The following PIEZO2 variants were observed in gnomAD, a reference collection of about 807,000 sequenced individuals.
PIEZO2 encodes piezo type mechanosensitive ion channel component 2, also known as piezo-type mechanosensitive ion channel component 2.
Under a neutral mutation model 337.3 loss-of-function variants are expected in PIEZO2, and 172 were observed. The ratio of observed to expected loss-of-function variants is 0.51; its 90% CI spans 0.45 to 0.58. The LOEUF (loss-of-function observed/expected upper bound fraction) is 0.58, where lower values mean the gene tolerates loss of function less well. Ranked by LOEUF, PIEZO2 falls within the 20% of genes least tolerant of loss-of-function variation. PIEZO2 has a pLI of 0.00. For synonymous variants in PIEZO2, 1,251 were observed against 1,228.5 expected, an observed-to-expected ratio of 1.02 and a Z score of -0.38; for missense variants, 3,028 against 3,391.3, an observed-to-expected ratio of 0.89 and a Z score of 2.66.
rs959402381 is a variant in PIEZO2, at chr18:10,861,754, A to G, written c.493-4543T>C. On this transcript the variant is annotated intron_variant, in intron 5 of 55. Coordinates refer to ENST00000674853, the MANE Select transcript of PIEZO2 (RefSeq NM_001378183.1). The surrounding 1 kb of genome is among the most constrained non-coding windows in gnomAD (Gnocchi z 4.3). The stretch of plus-strand genomic sequence containing the variant: ...AATAGTTGGCCGGGCACAGTGGTTC[A>G]TGCCTATAATCCCAGCACCTTGGGA... Among the ~76,000 whole-genome samples the G allele has an allele frequency of 2.0e-5, 3 of 152,374 alleles. No homozygotes were observed. The highest frequency in any genetic ancestry group is 7.2e-5 in the African/African-American group (3 of 41,586).
At position 11,001,952 on chromosome 18, in the gene PIEZO2, A is replaced by T. The variant is rs989271256; in HGVS notation, c.161-22292T>A. On this transcript the variant is annotated intron_variant, in intron 2 of 55. Coordinates refer to ENST00000674853, the MANE Select transcript of PIEZO2 (RefSeq NM_001378183.1). This position sits in a 1 kb window ranked among gnomAD's most constrained non-coding sequence, Gnocchi z 5.3. ...AAGGAAGGAAGGAAGGAAGGAAGAAAAAAAGACTTGGAAGGAGCCAAAACT... is the reference window on the plus strand; with the variant it reads ...AAGGAAGGAAGGAAGGAAGGAAGAATAAAAGACTTGGAAGGAGCCAAAACT... Among the ~76,000 whole-genome samples the T allele has an allele frequency of 6.6e-6, 1 of 151,794 alleles. No homozygotes were observed. Among genetic ancestry groups the T allele is most frequent in the Non-Finnish European group, 1.5e-5 (1 of 67,908 alleles).
intron 2 of PIEZO2, among the ~76,000 whole-genome samples, chr18:10,999,525 G>GT (rs1259477536): frequency 6.6e-6 from 1 of 152,074 alleles, no homozygotes; most frequent in East Asian, 1.9e-4. Flanking sequence ...TATTTATATA[G>GT]TTTTTTGTAA....
At chr18:10,928,636 C>G (rs1306774704) in intron 3 of PIEZO2, among the ~76,000 whole-genome samples, 1 of 152,198 alleles carries the variant, frequency 6.6e-6, no homozygotes, top group African/African-American at 2.4e-5. Flanking sequence ...AGATCCCAGG[C>G]CTTCATGCCA....
intron 24 of PIEZO2, among the ~76,000 whole-genome samples, chr18:10,760,594 C>T (rs1274080610): frequency 6.6e-6 from 1 of 152,148 alleles, no homozygotes; most frequent in Non-Finnish European, 1.5e-5. Flanking sequence ...CGTGAGCCAC[C>T]GTGCCCAGGC....
chr18:10,776,295 G>A (rs2038783212), intron 18 of PIEZO2, among the ~76,000 whole-genome samples: 1 of 152,136 alleles, frequency 6.6e-6, no homozygotes, highest in Non-Finnish European at 1.5e-5. Flanking sequence ...ATAGGAGGTT[G>A]TAAAAATTAA....
intron 30 of PIEZO2, among the ~76,000 whole-genome samples, chr18:10,744,495 T>C (rs137885306): frequency 1.3e-5 from 2 of 152,258 alleles, no homozygotes; most frequent in African/African-American, 4.8e-5. Flanking sequence ...GTGTTTTGTA[T>C]TCTCCAAGAC....
chr18:10,678,770 T>C (rs2143467873), intron 52 of PIEZO2, among the ~76,000 whole-genome samples: 1 of 152,238 alleles, frequency 6.6e-6, no homozygotes, highest in South Asian at 2.1e-4. Context: ...GGCCACGTGC[T>C]GGCCACTGGC....
chr18:10,987,495 T>C (rs977008088), intron 2 of PIEZO2, among the ~76,000 whole-genome samples: 1 of 152,086 alleles, frequency 6.6e-6, no homozygotes, highest in Non-Finnish European at 1.5e-5. Flanking sequence ...ATTGGGAAAA[T>C]TGGATTACCA....
In PIEZO2 at chr18:10,979,702, T is replaced by A. The variant is rs986481256; in HGVS notation, c.161-42A>T. On this transcript the variant is annotated intron_variant, in intron 2 of 55. Transcript: ENST00000674853. The surrounding 1 kb of genome is among the most constrained non-coding windows in gnomAD (Gnocchi z 4.0). ...GCAGAGATTGTGAGAGAGCTTAAGATGAAACACACTGGTGCTGTCTCTTGT... is the reference window on the plus strand; with the variant it reads ...GCAGAGATTGTGAGAGAGCTTAAGAAGAAACACACTGGTGCTGTCTCTTGT... 1 of 1,493,416 alleles carries A rather than the reference T, an allele frequency of 6.7e-7. No homozygotes were observed. The highest frequency in any genetic ancestry group is 8.9e-7 in the Non-Finnish European group (1 of 1,118,184). 92.5% of individuals were successfully genotyped at this position (1,493,416 alleles called of 1,614,324 possible).
rs2040872574 is a variant in PIEZO2, at chr18:11,148,666, C to G, written c.-78G>C. 12 of 1,432,068 alleles carry G rather than the reference C, an allele frequency of 8.4e-6. No homozygotes were observed. Among genetic ancestry groups the G allele is most frequent in the Admixed American group, 8.1e-5 (4 of 49,220 alleles). The allele number at this position is 1,432,068 out of a possible 1,614,324, so 88.7% of individuals were successfully genotyped here. A position where few individuals can be genotyped will look rare whatever the true frequency, so the allele number is the denominator to read the frequency against. Reference sequence around the variant, plus strand: ...GGTGGTGGGACGCAAGGCCCATGCCCGTCTATGGCCTCTCGCCGCCGGCAG... The same window carrying G: ...GGTGGTGGGACGCAAGGCCCATGCCGGTCTATGGCCTCTCGCCGCCGGCAG... On this transcript the variant is annotated 5_prime_UTR_variant, in exon 1 of 56. Transcript: ENST00000674853. The surrounding 1 kb of genome is among the most constrained non-coding windows in gnomAD (Gnocchi z 5.2).
At chr18:10,839,287 A>T (rs1462458768) in intron 7 of PIEZO2, among the ~76,000 whole-genome samples, 1 of 152,252 alleles carries the variant, frequency 6.6e-6, no homozygotes, top group African/African-American at 2.4e-5. Context: ...AAAAAGCATT[A>T]GTCATGGGAT....
At chr18:10,916,343 C>T (rs1325365315) in intron 3 of PIEZO2, among the ~76,000 whole-genome samples, 1 of 152,160 alleles carries the variant, frequency 6.6e-6, no homozygotes, top group African/African-American at 2.4e-5. Context: ...CAGGGGGCGG[C>T]GCCTGTAGGG....
Position 10,676,690 on chromosome 18 carries a change from T to A in PIEZO2, c.8081+1057A>T, listed in dbSNP as rs1321762181. 1.3e-5 allele frequency among the ~76,000 whole-genome samples: 2 copies of A among 152,148 alleles called. No individual in the cohort carries two copies. Among genetic ancestry groups the A allele is most frequent in the South Asian group, 2.1e-4 (1 of 4,828 alleles). ...TGTCATCTAGAGATGAGATCAATAC[T>A]TTTTGGGCCAGGTGGACAGAGAGTG... On this transcript the variant is annotated intron_variant, in intron 53 of 55. Coordinates refer to ENST00000674853, the MANE Select transcript of PIEZO2 (RefSeq NM_001378183.1). This position sits in a 1 kb window ranked among gnomAD's most constrained non-coding sequence, Gnocchi z 5.1.
chr18:10,761,153 A>G (rs141464490), intron 23 of PIEZO2, 42 bp from the exon 24 acceptor site: 1 of 1,493,720 alleles, frequency 6.7e-7, no homozygotes, highest in East Asian at 2.5e-5. Context: ...CAGAGGCTTT[A>G]TGATTTGGTA....
chr18:10,788,762 G>A (rs1437638027), intron 15 of PIEZO2, among the ~76,000 whole-genome samples: 2 of 152,042 alleles, frequency 1.3e-5, no homozygotes, highest in Admixed American at 1.3e-4. Flanking sequence ...TTAAGAAAAT[G>A]TTTTGTAGAG....
intron 2 of PIEZO2, among the ~76,000 whole-genome samples, chr18:11,064,060 C>A (rs1399139324): frequency 6.6e-6 from 1 of 152,012 alleles, no homozygotes; most frequent in African/African-American, 2.4e-5. Flanking sequence ...TCGCATAAAT[C>A]TCATATTGTT....
chr18:11,057,101 G>T (rs375132112), intron 2 of PIEZO2, among the ~76,000 whole-genome samples: 3 of 152,044 alleles, frequency 2.0e-5, no homozygotes, highest in South Asian at 4.2e-4. Context: ...GGCAAGATCT[G>T]GTTGCACAGA....
rs544941931 is a variant in PIEZO2 at position 11,102,554 on chromosome 18, C to T, written c.65-36332G>A. ...ATGGGGCTATGGGGAGAGGAAGCAT[C>T]GGGGGTGAAGCATCATGCCAGCTTG... On this transcript the variant is annotated intron_variant, in intron 1 of 55. Coordinates refer to ENST00000674853, the MANE Select transcript of PIEZO2 (RefSeq NM_001378183.1). This position sits in a 1 kb window ranked among gnomAD's most constrained non-coding sequence, Gnocchi z 5.7. Among the ~76,000 whole-genome samples the T allele has an allele frequency of 2.0e-5, 3 of 152,148 alleles. No homozygotes were observed. Among genetic ancestry groups the T allele is most frequent in the East Asian group, 1.9e-4 (1 of 5,188 alleles).
chr18:10,945,209 T>A lies in PIEZO2; in HGVS notation c.287-33981A>T. Among the ~76,000 whole-genome samples, 1 of 152,098 alleles carries A rather than the reference T, an allele frequency of 6.6e-6. No homozygotes were observed. The highest frequency in any genetic ancestry group is 1.9e-4 in the East Asian group (1 of 5,190). On this transcript the variant is annotated intron_variant, in intron 3 of 55. Transcript: ENST00000674853. This position sits in a 1 kb window ranked among gnomAD's most constrained non-coding sequence, Gnocchi z 4.0. ...GGTGTTATTTTTTAGAGACAAGATG[T>A]CTCTCTGTCACTCAGGCTGGAGTGC...
Sources: allele counts gnomAD v4.1 joint callset (sites outside exome capture counted in the v4.1 genomes callset), GRCh38; gene constraint gnomAD v4.1.1; non-coding constraint Gnocchi (gnomAD v3.1); transcripts MANE v1.5; gene names NCBI Gene and HGNC (gene_info 2026-07-23, HGNC 2026-07-21).